The following SLF1 variants were observed in gnomAD, a reference collection of about 807,000 sequenced individuals.
The protein encoded by SLF1 is SMC5-SMC6 complex localization factor protein 1.
In SLF1, 105 loss-of-function variants were observed where a neutral mutation model predicts 123.0. That is an observed-to-expected ratio of 0.85 (90% confidence interval 0.73 to 1.00). The LOEUF is 1.00. SLF1 is among the 50% of genes least tolerant of loss of function. SLF1 has a pLI of 0.00. For synonymous variants in SLF1, 434 were observed against 406.6 expected, an observed-to-expected ratio of 1.07 and a Z score of -0.81; for missense variants, 1,239 against 1,223.0, an observed-to-expected ratio of 1.01 and a Z score of -0.20.
At position 94,670,209 on chromosome 5, in the gene SLF1, G is replaced by C; in HGVS notation, c.1591G>C (p.Val531Leu). The C allele has an allele frequency of 6.5e-7, 1 of 1,530,080 alleles. No individual in the cohort carries two copies. Among genetic ancestry groups the C allele is most frequent in the Non-Finnish European group, 8.8e-7 (1 of 1,139,418 alleles). The allele number at this position is 1,530,080 out of a possible 1,614,324, so 94.8% of individuals were successfully genotyped here. ...AATTTCAGAAAATATTGGCTCCAAG[G>C]TGCTCCACCTGACGCTACTCAAATT... is the stretch of plus-strand genomic sequence containing the variant. ...HQISENIGSK[V>L]LHLTLLKFFF... The change falls in exon 13 of 21, where the codon GTG (valine) becomes CTG (leucine). Residue 531 changes from valine (V) to leucine (L), a missense_variant. Coordinates refer to ENST00000265140, the MANE Select transcript of SLF1 (RefSeq NM_032290.4).
intron 3 of SLF1, 85 bp from the exon 4 acceptor site, chr5:94,630,418 G>A (rs1176005327): frequency 2.1e-6 from 3 of 1,400,422 alleles, no homozygotes; most frequent in Non-Finnish European, 2.9e-6. Flanking sequence ...TCTTGAAAAA[G>A]GTTGACTTTT....
intron 15 of SLF1, among the ~76,000 whole-genome samples, chr5:94,686,054 T>G (rs1159305196): frequency 1.3e-5 from 2 of 152,200 alleles, no homozygotes; most frequent in African/African-American, 4.8e-5. Context: ...ATGTTTTTCT[T>G]CTTTACCTTG....
At position 94,630,578 on chromosome 5, in the gene SLF1, AATGG is replaced by A; in HGVS notation, c.267_270del (p.Trp90AspfsTer25). ...AGATGGCTTGATGAAACAACTTATG[AATGG>A]GGATATAAAATTGAAAAAGATTCCC... is the stretch of plus-strand genomic sequence containing the variant. On this transcript the variant is annotated frameshift_variant, in exon 4 of 21. Transcript: ENST00000265140. LOFTEE classifies it high-confidence loss of function. 6.4e-7 allele frequency: 1 copy of A among 1,551,696 alleles called. No individual in the cohort carries two copies. Among genetic ancestry groups the A allele is most frequent in the Non-Finnish European group, 8.7e-7 (1 of 1,146,986 alleles).
At chr5:94,618,303 G>A (rs1481667526), upstream of SLF1, 2 of 152,266 alleles carry the variant, frequency 1.3e-5, no homozygotes, top group African/African-American at 4.8e-5. Flanking sequence ...GACAGATTTT[G>A]CGAGTGGATA....
At chr5:94,689,452 A>G (rs1752830227) in intron 17 of SLF1, 21 bp from the exon 18 acceptor site, 1 of 1,599,022 alleles carries the variant, frequency 6.3e-7, no homozygotes. Flanking sequence ...AGCTTTCATT[A>G]TTTCTTACTT....
At chr5:94,646,679 G>A (rs753372743) in intron 5 of SLF1, among the ~76,000 whole-genome samples, 2 of 152,096 alleles carry the variant, frequency 1.3e-5, no homozygotes, top group Non-Finnish European at 2.9e-5. Context: ...CAGTCTTATG[G>A]GAATATATTA....
At chr5:94,687,178 G>A (rs1029387668) in intron 16 of SLF1, among the ~76,000 whole-genome samples, 5 of 152,210 alleles carry the variant, frequency 3.3e-5, no homozygotes, top group Admixed American at 3.3e-4. Context: ...TCTAATTAGA[G>A]TAATGAAAGC....
chr5:94,624,690 A>G (rs1221018692), intron 1 of SLF1, among the ~76,000 whole-genome samples: 1 of 152,124 alleles, frequency 6.6e-6, no homozygotes, highest in Admixed American at 6.5e-5. Context: ...GTGTTATAAC[A>G]ATTTTTTTAT....
intron 14 of SLF1, among the ~76,000 whole-genome samples, chr5:94,675,904 ATTTTTT>A (rs70978120): frequency 8.2e-5 from 10 of 121,712 alleles, no homozygotes; most frequent in African/African-American, 1.8e-4. Flanking sequence ...CAACTGGTTG[ATTTTTT>A]TTTTTTTTTT....
intron 4 of SLF1, among the ~76,000 whole-genome samples, chr5:94,631,904 C>T (rs1032435656): frequency 1.3e-5 from 2 of 151,944 alleles, no homozygotes; most frequent in East Asian, 1.9e-4. Context: ...ATTACTTGAC[C>T]CCAGAGTCTT....
At chr5:94,646,538 A>G (rs774722285) in intron 5 of SLF1, among the ~76,000 whole-genome samples, 3 of 152,344 alleles carry the variant, frequency 2.0e-5, no homozygotes, top group Non-Finnish European at 4.4e-5. Flanking sequence ...TGCAAGGTAC[A>G]GGAATACAGA....
chr5:94,635,653 C>T (rs541346180), intron 4 of SLF1, among the ~76,000 whole-genome samples: 3 of 152,000 alleles, frequency 2.0e-5, no homozygotes, highest in South Asian at 4.2e-4. Flanking sequence ...TATTCTTAGA[C>T]TATGTCAAAC....
At position 94,663,136 on chromosome 5, in the gene SLF1, T is replaced by TGTAG. The variant is rs543501857; in HGVS notation, c.1210-613_1210-610dup. 4.0e-4 allele frequency among the ~76,000 whole-genome samples: 61 copies of TGTAG among 152,376 alleles called. 1 individual carries two copies. In the South Asian group the frequency reaches 8.3e-3, roughly 21 times the overall value. On this transcript the variant is annotated intron_variant, in intron 10 of 20. Transcript: ENST00000265140. ...TTTTTCACCTAAAGAACTATGTCGC[T>TGTAG]GTAGCTCTTTCTCTTTTTTATCAAC... is the stretch of plus-strand genomic sequence containing the variant.
rs948598020 is a variant in SLF1 at position 94,681,493 on chromosome 5, A to C, written c.1975+2538A>C. 7.9e-5 allele frequency among the ~76,000 whole-genome samples: 12 copies of C among 152,186 alleles called. No homozygotes were observed. In the East Asian group the frequency reaches 1.2e-3, roughly 15 times the overall value. On this transcript the variant is annotated intron_variant, in intron 15 of 20. Coordinates refer to ENST00000265140, the MANE Select transcript of SLF1 (RefSeq NM_032290.4). ...TTAATATTTTTCTATTTTCTTTTTTATTTTTTATTTATTACTATTATACTT... is the reference window on the plus strand; with the variant it reads ...TTAATATTTTTCTATTTTCTTTTTTCTTTTTTATTTATTACTATTATACTT...
chr5:94,687,042 G>A (rs1752515818), intron 16 of SLF1, among the ~76,000 whole-genome samples: 1 of 152,174 alleles, frequency 6.6e-6, no homozygotes, highest in Non-Finnish European at 1.5e-5. Context: ...GGGATTACAG[G>A]CGTGAGCCAC....
chr5:94,696,185 A>T lies in SLF1; in HGVS notation c.*873A>T, dbSNP rs545663148. The stretch of plus-strand genomic sequence containing the variant: ...AGTAAAACTAAAAGAAAGGGTGTGG[A>T]TAATAACCACTTTTGAGATTGGAGT... On this transcript the variant is annotated 3_prime_UTR_variant, in exon 21 of 21. Coordinates refer to ENST00000265140, the MANE Select transcript of SLF1 (RefSeq NM_032290.4). 25 of 151,898 alleles carry T rather than the reference A, an allele frequency of 1.6e-4. No individual in the cohort carries two copies. The highest frequency in any genetic ancestry group is 5.8e-4 in the African/African-American group (24 of 41,516). The allele number at this position is 151,898 out of a possible 1,614,324, so 9.4% of individuals were successfully genotyped here. A position where few individuals can be genotyped will look rare whatever the true frequency, so the allele number is the denominator to read the frequency against.
At chr5:94,648,201 A>G (rs1010718206) in intron 5 of SLF1, among the ~76,000 whole-genome samples, 2 of 152,164 alleles carry the variant, frequency 1.3e-5, no homozygotes, top group African/African-American at 4.8e-5. Flanking sequence ...GGTCCCAGTA[A>G]TAGGAAGGGA....
intron 9 of SLF1, among the ~76,000 whole-genome samples, chr5:94,658,686 C>G (rs988282286): frequency 6.6e-6 from 1 of 152,172 alleles, no homozygotes; most frequent in African/African-American, 2.4e-5. Context: ...TCTTACAACA[C>G]TTGGGACGTT....
chr5:94,650,156 T>C (rs1043687617), intron 6 of SLF1, among the ~76,000 whole-genome samples: 1 of 152,180 alleles, frequency 6.6e-6, no homozygotes, highest in Admixed American at 6.5e-5. Context: ...TTAGTTCTGC[T>C]CTAGAAGAGC....
Sources: allele counts gnomAD v4.1 joint callset (sites outside exome capture counted in the v4.1 genomes callset), GRCh38; gene constraint gnomAD v4.1.1; transcripts MANE v1.5; gene names NCBI Gene and HGNC (gene_info 2026-07-23, HGNC 2026-07-21).